ABCG2: variants seen among roughly 807,000 people sequenced by gnomAD.
ABCG2 encodes the protein ATP binding cassette subfamily G member 2 (JR blood group).
In ABCG2, 80 loss-of-function variants were observed where a neutral mutation model predicts 73.5. The ratio of observed to expected loss-of-function variants is 1.09; its 90% CI spans 0.91 to 1.31. The LOEUF is 1.31. ABCG2 is among the 50% of genes most tolerant of loss of function. The probability of loss-of-function intolerance (pLI) is 0.00; values close to 1 mark genes in which losing one functional copy is unlikely to be tolerated. For synonymous variants in ABCG2, 269 were observed against 282.4 expected (o/e 0.95, Z 0.48); for missense variants, 796 against 786.2 (o/e 1.01, Z -0.15).
chr4:88,163,386 T>C (rs748381379), upstream of ABCG2, among the ~76,000 whole-genome samples: 1 of 152,154 alleles, frequency 6.6e-6, no homozygotes, highest in African/African-American at 2.4e-5. Flanking sequence ...AAAATATTCA[T>C]TTGGTTTGAA....
At chr4:88,121,853 C>T in intron 5 of ABCG2, 61 bp from the exon 6 acceptor site, 1 of 1,533,062 alleles carries the variant, frequency 6.5e-7, no homozygotes, top group Non-Finnish European at 8.9e-7. Context: ...TTGGTGAGCT[C>T]CTAACGTGTG....
intron 1 of ABCG2, among the ~76,000 whole-genome samples, chr4:88,149,718 G>C (rs1726315780): frequency 6.6e-6 from 1 of 152,188 alleles, no homozygotes. Flanking sequence ...GGGCATGGTA[G>C]CGCATGCCTG....
At chr4:88,153,545 A>G (rs1726693791) in intron 1 of ABCG2, among the ~76,000 whole-genome samples, 2 of 144,524 alleles carry the variant, frequency 1.4e-5, no homozygotes, top group African/African-American at 5.0e-5. Flanking sequence ...TGAGGATGGT[A>G]AGGGATATAA....
intron 9 of ABCG2, among the ~76,000 whole-genome samples, chr4:88,108,875 G>C (rs1383396640): frequency 6.6e-6 from 1 of 152,082 alleles, no homozygotes; most frequent in Non-Finnish European, 1.5e-5. Context: ...ATTACCCTCA[G>C]AATATACTTC....
At chr4:88,151,379 C>T (rs887437332) in intron 1 of ABCG2, among the ~76,000 whole-genome samples, 2 of 152,206 alleles carry the variant, frequency 1.3e-5, no homozygotes, top group African/African-American at 4.8e-5. Context: ...TACATGTCAA[C>T]TACATGAAGA....
intron 5 of ABCG2, among the ~76,000 whole-genome samples, chr4:88,122,157 A>G (rs1724053018): frequency 6.6e-6 from 1 of 152,070 alleles, no homozygotes; most frequent in Admixed American, 6.5e-5. Flanking sequence ...TTCCCATGGT[A>G]TTCACAACCC....
chr4:88,227,062 T>C (rs903779779), intron 1 of ABCG2, among the ~76,000 whole-genome samples: 8 of 152,062 alleles, frequency 5.3e-5, no homozygotes, highest in Non-Finnish European at 1.0e-4. Context: ...TTCATGCCAC[T>C]GCACTCCCGC....
intron 1 of ABCG2, among the ~76,000 whole-genome samples, chr4:88,145,720 A>G (rs1051800415): frequency 1.3e-5 from 2 of 152,144 alleles, no homozygotes; most frequent in Non-Finnish European, 2.9e-5. Context: ...TGAGCAGATT[A>G]CTTGAGGTCA....
Position 88,132,619 on chromosome 4 carries a change from C to G in ABCG2, c.220G>C (p.Gly74Arg). 1 of 1,614,158 alleles carries G rather than the reference C, an allele frequency of 6.2e-7. No individual in the cohort carries two copies. The highest frequency in any genetic ancestry group is 8.5e-7 in the Non-Finnish European group (1 of 1,180,018). ...GTGGGTCCCAGGATGGCGTTGAGAC[C>G]AGGTTTCATGATCCCACTGTAAACA... ...LSNINGIMKP[G>R]LNAILGPTGG... is the part of the protein sequence containing the mutation. The change falls in exon 3 of 16, where the codon GGT becomes CGT. Residue 74 changes from glycine (G) to arginine (R), a missense_variant. Gly to Arg is a moderately radical substitution (Grantham distance 125). Coordinates refer to ENST00000237612, the MANE Select transcript of ABCG2 (RefSeq NM_004827.3).
chr4:88,214,987 G>T (rs1729755794), intron 1 of ABCG2, among the ~76,000 whole-genome samples: 1 of 148,628 alleles, frequency 6.7e-6, no homozygotes, highest in Non-Finnish European at 1.5e-5. Context: ...AGCTATATGG[G>T]AGGCTGAGGC....
intron 1 of ABCG2, among the ~76,000 whole-genome samples, chr4:88,188,497 G>A (rs1560745973): frequency 6.6e-6 from 1 of 151,942 alleles, no homozygotes. Flanking sequence ...AGAAGCATGA[G>A]CCACCACACC....
intron 1 of ABCG2, among the ~76,000 whole-genome samples, chr4:88,156,426 T>C (rs1726952446): frequency 6.9e-6 from 1 of 145,094 alleles, no homozygotes; most frequent in African/African-American, 2.5e-5. Context: ...TATGTCAAAG[T>C]GGCACAGGCG....
chr4:88,135,999 T>G (rs1725221370), intron 2 of ABCG2, among the ~76,000 whole-genome samples: 1 of 152,168 alleles, frequency 6.6e-6, no homozygotes. Context: ...GAAATTTTAC[T>G]AACATGGAAA....
chr4:88,109,907 C>T (rs958732963), intron 9 of ABCG2, among the ~76,000 whole-genome samples: 3 of 152,108 alleles, frequency 2.0e-5, no homozygotes, highest in African/African-American at 7.2e-5. Flanking sequence ...GGGCCAGCCA[C>T]CTATCTTTGT....
intron 1 of ABCG2, among the ~76,000 whole-genome samples, chr4:88,185,338 T>C (rs890662849): frequency 6.6e-6 from 1 of 152,236 alleles, no homozygotes; most frequent in Non-Finnish European, 1.5e-5. Context: ...CACTCCAGCC[T>C]GGACAACAAG....
At chr4:88,207,842 C>A (rs1283940101) in intron 1 of ABCG2, among the ~76,000 whole-genome samples, 1 of 152,142 alleles carries the variant, frequency 6.6e-6, no homozygotes, top group Non-Finnish European at 1.5e-5. Context: ...CCGCACCCAA[C>A]CTCATTTTGT....
In ABCG2 at chr4:88,191,936, C is replaced by T. The variant is rs140288573; in HGVS notation, c.-20+39058G>A. ...AAAGTTGTCTGGGGCTTTGGGAGGC[C>T]GAGGTAGGCAGATTACCTGAGCTCT... On this transcript the variant is annotated intron_variant, in intron 1 of 15. Transcript: ENST00000515655. 3.9e-3 allele frequency among the ~76,000 whole-genome samples: 590 copies of T among 152,076 alleles called. 2 individuals carry two copies. The highest frequency in any genetic ancestry group is 0.013 in the African/African-American group (554 of 41,496).
chr4:88,156,666 GA>G (rs759770644), intron 1 of ABCG2, among the ~76,000 whole-genome samples: 2 of 151,482 alleles, frequency 1.3e-5, no homozygotes, highest in East Asian at 1.9e-4. Context: ...TAACCATTAG[GA>G]AAAAAAACCC....
intron 2 of ABCG2, among the ~76,000 whole-genome samples, chr4:88,134,494 AT>A (rs1725112097): frequency 6.6e-6 from 1 of 152,190 alleles, no homozygotes; most frequent in Non-Finnish European, 1.5e-5. Context: ...CAACATACTA[AT>A]GATTGGGCAA....
Sources: allele counts gnomAD v4.1 joint callset (sites outside exome capture counted in the v4.1 genomes callset), GRCh38; gene constraint gnomAD v4.1.1; transcripts MANE v1.5; gene names NCBI Gene and HGNC (gene_info 2026-07-23, HGNC 2026-07-21).